SLC4A5: variants seen among roughly 807,000 people sequenced by gnomAD.
SLC4A5 encodes solute carrier family 4 member 5, also known as electrogenic sodium bicarbonate cotransporter 4.
SLC4A5 carries 96 observed loss-of-function variants against 120.4 expected under a neutral mutation model. The observed-to-expected ratio is 0.80, with a 90% CI of 0.68 to 0.94. The LOEUF (loss-of-function observed/expected upper bound fraction) is 0.94. Ranked by LOEUF, SLC4A5 falls within the 40% of genes least tolerant of loss-of-function variation. The pLI, the probability that SLC4A5 is intolerant of heterozygous loss-of-function variation, is 0.00. For synonymous variants in SLC4A5, 550 were observed against 571.1 expected, an observed-to-expected ratio of 0.96 and a Z score of 0.53; for missense variants, 1,259 against 1,459.5, an observed-to-expected ratio of 0.86 and a Z score of 2.24.
intron 14 of SLC4A5, 69 bp downstream of exon 14, chr2:74,254,550 G>A: frequency 8.3e-7 from 1 of 1,210,234 alleles, no homozygotes; most frequent in Non-Finnish European, 1.2e-6. Flanking sequence ...ATAAGTTAAT[G>A]AATGAAGGTG....
chr2:74,294,026 G>A (rs1048521887), intron 7 of SLC4A5, among the ~76,000 whole-genome samples: 1 of 152,228 alleles, frequency 6.6e-6, no homozygotes, highest in African/African-American at 2.4e-5. Context: ...CCGTGACCTT[G>A]GATAAGGGAG....
intron 6 of SLC4A5, 135 bp from the exon 7 acceptor site, chr2:74,304,815 GC>G: frequency 1.2e-6 from 1 of 831,810 alleles, no homozygotes; most frequent in South Asian, 1.9e-5. Flanking sequence ...TGGGGTCATT[GC>G]CCTGAGGCTT....
chr2:74,267,115 T>C (rs187680181), intron 8 of SLC4A5, among the ~76,000 whole-genome samples: 3 of 152,292 alleles, frequency 2.0e-5, no homozygotes, highest in Admixed American at 2.0e-4. Flanking sequence ...ACAAATGAAA[T>C]AACATTCTTC....
intron 18 of SLC4A5, among the ~76,000 whole-genome samples, chr2:74,247,667 G>A (rs1055381117): frequency 2.6e-5 from 4 of 151,946 alleles, no homozygotes; most frequent in Middle Eastern, 3.4e-3. Context: ...GGCACCCGCC[G>A]CCACGCCTGG....
chr2:74,298,822 G>A (rs1271916812), intron 7 of SLC4A5, among the ~76,000 whole-genome samples: 1 of 152,180 alleles, frequency 6.6e-6, no homozygotes, highest in Non-Finnish European at 1.5e-5. Context: ...GAGGCAAGAG[G>A]ATAGCTTGAT....
chr2:74,252,137 T>A, intron 16 of SLC4A5, 42 bp downstream of exon 16: 2 of 1,596,420 alleles, frequency 1.3e-6, no homozygotes, highest in Non-Finnish European at 1.7e-6. Context: ...AAGGGAGAAG[T>A]CTAAAGGACA....
chr2:74,238,838 TAATC>T (rs977402080), intron 21 of SLC4A5, among the ~76,000 whole-genome samples: 31 of 152,208 alleles, frequency 2.0e-4, no homozygotes, highest in Non-Finnish European at 3.8e-4. Flanking sequence ...GAATTTCTGT[TAATC>T]AAAAGATGCC....
chr2:74,295,764 T>G (rs1672307429), intron 7 of SLC4A5, among the ~76,000 whole-genome samples: 2 of 152,140 alleles, frequency 1.3e-5, no homozygotes, highest in African/African-American at 4.8e-5. Flanking sequence ...AAACGACCAA[T>G]TTTGAGGAAA....
At chr2:74,234,485 C>G (rs1174897107) in intron 22 of SLC4A5, among the ~76,000 whole-genome samples, 2 of 152,196 alleles carry the variant, frequency 1.3e-5, no homozygotes, top group Non-Finnish European at 2.9e-5. Context: ...CCGGTTGGTG[C>G]TCTTATGAGG....
chr2:74,327,137 C>T (rs1230057940), intron 5 of SLC4A5, among the ~76,000 whole-genome samples: 1 of 152,152 alleles, frequency 6.6e-6, no homozygotes, highest in Admixed American at 6.5e-5. Context: ...AAGAGTAAAG[C>T]ATAGTAATGA....
chr2:74,285,626 T>C, intron 8 of SLC4A5, 147 bp downstream of exon 8: 1 of 832,486 alleles, frequency 1.2e-6, no homozygotes, highest in Non-Finnish European at 1.8e-6. Flanking sequence ...GCTCCTTAGT[T>C]CTGGACACCA....
At chr2:74,308,956 C>A (rs1672729591) in intron 6 of SLC4A5, among the ~76,000 whole-genome samples, 1 of 151,402 alleles carries the variant, frequency 6.6e-6, no homozygotes, top group Admixed American at 6.6e-5. Context: ...ACTCTGTCAT[C>A]CAGACTGGAG....
chr2:74,301,785 C>G (rs2104245144), intron 7 of SLC4A5, among the ~76,000 whole-genome samples: 1 of 152,316 alleles, frequency 6.6e-6, no homozygotes, highest in Admixed American at 6.5e-5. Flanking sequence ...TGAAGAACAG[C>G]AGAAACCAAC....
At chr2:74,335,859 A>G (rs1333041135) in intron 3 of SLC4A5, among the ~76,000 whole-genome samples, 1 of 152,200 alleles carries the variant, frequency 6.6e-6, no homozygotes, top group Admixed American at 6.5e-5. Context: ...GGAAAACTGA[A>G]TAGGGCAAAT....
At chr2:74,311,577 T>C (rs948224675) in intron 6 of SLC4A5, among the ~76,000 whole-genome samples, 1 of 152,246 alleles carries the variant, frequency 6.6e-6, no homozygotes, top group Non-Finnish European at 1.5e-5. Flanking sequence ...TATTTAGAAG[T>C]GTATTGTTTA....
intron 19 of SLC4A5, among the ~76,000 whole-genome samples, chr2:74,246,055 C>A (rs1367492952): frequency 1.3e-5 from 2 of 152,222 alleles, no homozygotes; most frequent in African/African-American, 4.8e-5. Flanking sequence ...CCTGCTCCTG[C>A]TCTGCAGCAC....
intron 5 of SLC4A5, among the ~76,000 whole-genome samples, chr2:74,320,975 G>A (rs7571411): frequency 0.12 from 18,618 of 152,176 alleles, 1,524 homozygotes; most frequent in East Asian, 0.46. Flanking sequence ...TCAAGTGAGT[G>A]TTAATTTTCC....
chr2:74,305,687 C>T (rs1672619037), intron 6 of SLC4A5, among the ~76,000 whole-genome samples: 1 of 148,954 alleles, frequency 6.7e-6, no homozygotes, highest in African/African-American at 2.6e-5. Flanking sequence ...CCTCTTCATC[C>T]CACCCCTTCC....
At chr2:74,262,148 T>C (rs769821026) in exon 11 of SLC4A5, 4 of 1,613,658 alleles carry the variant, frequency 2.5e-6, no homozygotes, top group Non-Finnish European at 2.5e-6. Flanking sequence ...CAGACGTCCG[T>C]AATTTGCACT....
Sources: gnomAD v4.1 joint callset for allele counts (sites outside exome capture counted in the v4.1 genomes callset) on GRCh38, gnomAD v4.1.1 for gene constraint, MANE v1.5 for transcripts, NCBI Gene and HGNC (gene_info 2026-07-23, HGNC 2026-07-21) for gene names.